The following CACNA1F variants were observed in gnomAD, a reference collection of about 807,000 sequenced individuals.
The protein encoded by CACNA1F is calcium voltage-gated channel subunit alpha1 F, also known as voltage-dependent L-type calcium channel subunit alpha-1F.
A neutral mutation model predicts 143.8 loss-of-function variants in CACNA1F; 59 were observed. The observed-to-expected ratio is 0.41, with a 90% confidence interval of 0.33 to 0.51. CACNA1F has a LOEUF of 0.51. Ranked by LOEUF, CACNA1F falls within the 20% of genes least tolerant of loss-of-function variation. The pLI is 0.22. For synonymous variants in CACNA1F, 643 were observed against 649.1 expected, an observed-to-expected ratio of 0.99 and a Z score of 0.14; for missense variants, 1,411 against 1,647.5, an observed-to-expected ratio of 0.86 and a Z score of 2.48.
intron 43 of CACNA1F, among the ~76,000 whole-genome samples, chrX:49,207,538 C>T (rs1225063182): frequency 1.8e-5 from 2 of 111,003 alleles, no homozygotes; most frequent in African/African-American, 6.6e-5. Context: ...TCAATTTATC[C>T]TCCCACCTCA....
At chrX:49,218,760 C>A in intron 22 of CACNA1F, 25 bp from the exon 23 acceptor site, 1 of 911,410 alleles carries the variant, frequency 1.1e-6, no homozygotes. Context: ...AGAGGCTAGA[C>A]TCAGACCTGG....
chrX:49,214,056 ACT>A, intron 30 of CACNA1F, 101 bp downstream of exon 30: 1 of 659,445 alleles, frequency 1.5e-6, no homozygotes, highest in East Asian at 3.3e-5. Context: ...CTAGACTCAC[ACT>A]CCCTGGCTGC....
At chrX:49,233,261 G>A (rs1557111680) in intron 1 of CACNA1F, 24 bp downstream of exon 1, 1 of 1,209,452 alleles carries the variant, frequency 8.3e-7, no homozygotes, top group South Asian at 1.8e-5. Context: ...CCAAGGGTCT[G>A]CAGGGATGGA....
At chrX:49,229,456 C>T (rs781920753) in intron 6 of CACNA1F, among the ~76,000 whole-genome samples, 2 of 111,307 alleles carry the variant, frequency 1.8e-5, no homozygotes, top group East Asian at 2.9e-4. Context: ...GGCGCCCAGC[C>T]GAGGATAAAG....
rs782724058 is a variant in CACNA1F, at chrX:49,230,944, C to T, written c.427G>A (p.Val143Met). ...AGCCCGTAGGCCACGATCTTGAGCA[C>T]CGTCTCCACAGTGAAAATCACCAGG... ...VFLVIFTVET[V>M]LKIVAYGLVL... The change falls in exon 4 of 48, where the codon GTG (valine) becomes ATG (methionine). Residue 143 changes from valine to methionine, a missense_variant. Around this residue, in one of 3 missense-constraint regions of CACNA1F, gnomAD observed 950 missense variants for 1,128.1 expected, o/e 0.84. Coordinates refer to ENST00000323022, the MANE Select transcript of CACNA1F (RefSeq NM_001256789.3). 14 of 1,195,771 alleles carry T rather than the reference C, an allele frequency of 1.2e-5. No homozygotes were observed. The highest frequency in any genetic ancestry group is 3.0e-5 in the East Asian group (1 of 33,304).
In CACNA1F at chrX:49,228,366, C is replaced by T. The variant is rs1413292955; in HGVS notation, c.899G>A (p.Arg300His). The T allele has an allele frequency of 1.9e-5, 23 of 1,208,834 alleles. No homozygotes were observed. The Admixed American group carries it at 3.9e-4, about 21-fold the overall frequency. The change falls in exon 7 of 48, where the codon CGC becomes CAC. Residue 300 changes from arginine (R) to histidine (H), a missense_variant. This residue lies in a region of CACNA1F where 950 missense variants were observed against 1,128.1 expected (regional missense o/e 0.84). Transcript: ENST00000323022. ...TCCATTGGGCCCTGGCCAGCGCCCG[C>T]GGCACTCAGTCTGGTTCAGCGTGCA... ...RACTLNQTEC[R>H]GRWPGPNGGI...
intron 17 of CACNA1F, among the ~76,000 whole-genome samples, chrX:49,221,606 C>T (rs1261127084): frequency 9.3e-6 from 1 of 107,045 alleles, no homozygotes; most frequent in Non-Finnish European, 1.9e-5. Flanking sequence ...CTCAGGTGAT[C>T]CACCCTCCTC....
rs1251181430 is a variant in CACNA1F, at chrX:49,216,515, C to T, written c.3103G>A (p.Val1035Ile). The change falls in exon 27 of 48, where the codon GTA becomes ATA. Residue 1035 changes from valine (V) to isoleucine (I), a missense_variant. By Grantham distance (29) the Val-to-Ile change is conservative. This residue lies in a region of CACNA1F where 950 missense variants were observed against 1,128.1 expected (regional missense o/e 0.84). Coordinates refer to ENST00000323022, the MANE Select transcript of CACNA1F (RefSeq NM_001256789.3). ...CGTGACACGTCTCCATCTGGGTATA[C>T]CAGGAAGGAGCCCCTGTGGATGTGC... ...TPQECKGSFL[V>I]YPDGDVSRPL... 1 of 1,202,160 alleles carries T rather than the reference C, an allele frequency of 8.3e-7. No individual in the cohort carries two copies. The highest frequency in any genetic ancestry group is 1.1e-6 in the Non-Finnish European group (1 of 890,981).
intron 38 of CACNA1F, 42 bp from the exon 39 acceptor site, chrX:49,210,445 C>T (rs782177221): frequency 1.9e-5 from 21 of 1,089,602 alleles, no homozygotes; most frequent in African/African-American, 9.1e-5. Flanking sequence ...GGGAAAATGC[C>T]GGGTATGCAG....
chrX:49,232,802 CTT>C (rs1557111614), intron 1 of CACNA1F, among the ~76,000 whole-genome samples: 2 of 110,336 alleles, frequency 1.8e-5, no homozygotes, highest in Non-Finnish European at 3.8e-5. Context: ...TCTTCTCTCT[CTT>C]TCTCTCTTTT....
At chrX:49,231,091 G>C (rs1472392370) in intron 3 of CACNA1F, 102 bp from the exon 4 acceptor site, 1 of 814,338 alleles carries the variant, frequency 1.2e-6, no homozygotes. Flanking sequence ...GGGTGGGGCT[G>C]AGCCAGGCAG....
chrX:49,214,997 C>T, intron 29 of CACNA1F, 89 bp downstream of exon 29: 1 of 885,740 alleles, frequency 1.1e-6, no homozygotes, highest in Non-Finnish European at 1.7e-6. Flanking sequence ...TTGTTATTTG[C>T]AGCCTTAAAT....
At chrX:49,210,530 CA>C in intron 38 of CACNA1F, 59 bp downstream of exon 38, 6 of 1,092,522 alleles carry the variant, frequency 5.5e-6, no homozygotes, top group Non-Finnish European at 7.6e-6. Flanking sequence ...GATCCCTTCC[CA>C]CCCTTGCCAT....
chrX:49,205,373 G>C lies in CACNA1F; in HGVS notation c.5671-6C>G. ...AGACCCTCTGAGATAAGCACCTGGG[G>C]GCACAGGTGGGATCAGTGTTGACGG... On this transcript the variant is annotated splice_polypyrimidine_tract_variant and splice_region_variant and intron_variant, in intron 47 of 47. Coordinates refer to ENST00000323022, the MANE Select transcript of CACNA1F (RefSeq NM_001256789.3). 8.8e-7 allele frequency: 1 copy of C among 1,131,675 alleles called. No homozygotes were observed. The highest frequency in any genetic ancestry group is 1.2e-6 in the Non-Finnish European group (1 of 827,659). 93.3% of individuals were successfully genotyped at this position (1,131,675 alleles called of 1,213,427 possible).
intron 6 of CACNA1F, 73 bp downstream of exon 6, chrX:49,230,147 C>T (rs782408917): frequency 1.0e-6 from 1 of 966,251 alleles, no homozygotes; most frequent in Non-Finnish European, 1.4e-6. Context: ...CAGTGGGTTT[C>T]CCTGAGTGCA....
chrX:49,231,868 A>G lies in CACNA1F; in HGVS notation c.85T>C (p.Cys29Arg). 8.4e-7 allele frequency: 1 copy of G among 1,184,242 alleles called. No homozygotes were observed. The highest frequency in any genetic ancestry group is 1.1e-6 in the Non-Finnish European group (1 of 881,012). ...CCTTCCACAGCTGGGGGCCCGGGGC[A>G]CAGCCCCCATTCGGGACCAGGGCCT... The part of the protein sequence containing the change: ...GAGPGPEWGL[C>R]PGPPAVEGES... Residue 29 changes from cysteine (C) to arginine (R), a missense_variant, in exon 2 of 48, where the codon TGC becomes CGC. Around this residue, in one of 3 missense-constraint regions of CACNA1F, gnomAD observed 950 missense variants for 1,128.1 expected, o/e 0.84. Transcript: ENST00000323022.
At position 49,211,464 on chromosome X, in the gene CACNA1F, G is replaced by A; in HGVS notation, c.4118C>T (p.Ala1373Val). ...GCTGGCAAGCATTATCTCCTGCCAT[G>A]CCTCACCAGTGGCACACCTGGTGGG... Reference protein sequence around the residue: ...LLLFRCATGEAWQEIMLASLP... With the variant: ...LLLFRCATGEVWQEIMLASLP... Residue 1373 changes from alanine (A) to valine (V), a missense_variant, in exon 36 of 48, where the codon GCA becomes GTA. By Grantham distance (64) the Ala-to-Val change is moderately conservative. Transcript: ENST00000323022. 8.3e-7 allele frequency: 1 copy of A among 1,207,808 alleles called. No homozygotes were observed.
chrX:49,209,194 A>C (rs1382198765), intron 42 of CACNA1F, 68 bp downstream of exon 42: 1 of 1,179,942 alleles, frequency 8.5e-7, no homozygotes, highest in East Asian at 3.0e-5. Context: ...AGCAGTGTCA[A>C]AATCACTCAG....
In CACNA1F at chrX:49,206,634, G is replaced by A; in HGVS notation, c.5360-11C>T. 1 of 1,203,277 alleles carries A rather than the reference G, an allele frequency of 8.3e-7. No individual in the cohort carries two copies. Among genetic ancestry groups the A allele is most frequent in the Non-Finnish European group, 1.1e-6 (1 of 887,802 alleles). On this transcript the variant is annotated splice_polypyrimidine_tract_variant and intron_variant, in intron 45 of 47. Coordinates refer to ENST00000323022, the MANE Select transcript of CACNA1F (RefSeq NM_001256789.3). ...AGGAGGGCTTCCGACCTGGGGGTGGGTGGGGCACCAGGGGCAAATAGCAAT... is the reference window on the plus strand; with the variant it reads ...AGGAGGGCTTCCGACCTGGGGGTGGATGGGGCACCAGGGGCAAATAGCAAT...
Sources: gnomAD v4.1 joint callset for allele counts (sites outside exome capture counted in the v4.1 genomes callset) on GRCh38, gnomAD v4.1.1 for gene constraint, gnomAD v4.1.1 regional missense constraint, MANE v1.5 for transcripts, NCBI Gene and HGNC (gene_info 2026-07-23, HGNC 2026-07-21) for gene names.